Variants in GRM7 observed in about 807,000 individuals in gnomAD.
GRM7 encodes glutamate metabotropic receptor 7.
A neutral mutation model predicts 84.5 loss-of-function variants in GRM7; 35 were observed. That is an observed-to-expected ratio of 0.41 (90% CI 0.32 to 0.55). The LOEUF is 0.55. GRM7 is among the 20% of genes least tolerant of loss of function. GRM7 has a pLI of 0.19. For synonymous variants in GRM7, 487 were observed against 455.1 expected, an observed-to-expected ratio of 1.07 and a Z score of -0.89; for missense variants, 1,003 against 1,194.6, an observed-to-expected ratio of 0.84 and a Z score of 2.36.
intron 2 of GRM7, among the ~76,000 whole-genome samples, chr3:7,219,575 T>G (rs1210471073): frequency 6.6e-6 from 1 of 152,188 alleles, no homozygotes. Flanking sequence ...GGTTATGGAT[T>G]GGAATTAGGG....
intron 2 of GRM7, among the ~76,000 whole-genome samples, chr3:7,224,735 G>A (rs961697102): frequency 2.0e-5 from 3 of 152,106 alleles, no homozygotes; most frequent in East Asian, 1.9e-4. Context: ...ATGGAGAACC[G>A]TTCTGTCTCT....
At chr3:7,154,346 C>T (rs149139299) in intron 2 of GRM7, among the ~76,000 whole-genome samples, 148 of 152,220 alleles carry the variant, frequency 9.7e-4, no homozygotes, top group African/African-American at 3.4e-3. Context: ...GGGTTTCTCC[C>T]AGGCTATGGA....
intron 4 of GRM7, among the ~76,000 whole-genome samples, chr3:7,393,036 A>G (rs1695063123): frequency 6.6e-6 from 1 of 152,134 alleles, no homozygotes. Flanking sequence ...CCGAGACCAG[A>G]GAGGGCAGGC....
chr3:6,920,697 C>G (rs911564616), intron 1 of GRM7, among the ~76,000 whole-genome samples: 4 of 152,180 alleles, frequency 2.6e-5, no homozygotes, highest in African/African-American at 7.2e-5. Context: ...TTCATTCACT[C>G]TAATACCCAT....
At chr3:7,696,662 A>G (rs1208486032) in intron 9 of GRM7, among the ~76,000 whole-genome samples, 1 of 152,170 alleles carries the variant, frequency 6.6e-6, no homozygotes, top group East Asian at 1.9e-4. Context: ...CTCTTTTTCT[A>G]AAAAGTCAAA....
At chr3:7,115,699 C>T (rs1018140201) in intron 1 of GRM7, among the ~76,000 whole-genome samples, 62 of 152,178 alleles carry the variant, frequency 4.1e-4, no homozygotes, top group African/African-American at 1.3e-3. Context: ...AATTAAATGA[C>T]GCCTGCCCTC....
At chr3:7,676,043 G>A (rs1240832291) in intron 8 of GRM7, among the ~76,000 whole-genome samples, 3 of 151,896 alleles carry the variant, frequency 2.0e-5, no homozygotes, top group Admixed American at 6.6e-5. Flanking sequence ...TGGCGTGATC[G>A]TGATCTTGGC....
At chr3:7,510,603 T>G (rs763983405) in intron 7 of GRM7, among the ~76,000 whole-genome samples, 3 of 152,100 alleles carry the variant, frequency 2.0e-5, no homozygotes, top group Non-Finnish European at 4.4e-5. Flanking sequence ...TGGGTAAGAT[T>G]AGGTAAAATA....
intron 1 of GRM7, among the ~76,000 whole-genome samples, chr3:7,093,872 A>G (rs549124674): frequency 1.1e-4 from 16 of 152,274 alleles, no homozygotes; most frequent in Admixed American, 2.0e-4. Flanking sequence ...CACTTAAAGT[A>G]GTATGTTTCG....
At chr3:6,873,675 G>A (rs1437493938) in intron 1 of GRM7, among the ~76,000 whole-genome samples, 6 of 152,126 alleles carry the variant, frequency 3.9e-5, no homozygotes, top group Non-Finnish European at 8.8e-5. Context: ...AGCATGCCAG[G>A]TACTGTCTTT....
At chr3:7,735,996 T>C (rs1223372684) in intron 9 of GRM7, among the ~76,000 whole-genome samples, 1 of 152,216 alleles carries the variant, frequency 6.6e-6, no homozygotes, top group Non-Finnish European at 1.5e-5. Flanking sequence ...CTTATATTTA[T>C]ACCTTAGTGT....
At position 7,369,034 on chromosome 3, in the gene GRM7, A is replaced by G. The variant is rs533613143; in HGVS notation, c.1034-45989A>G. Among the ~76,000 whole-genome samples the G allele has an allele frequency of 2.6e-5, 4 of 151,970 alleles. No homozygotes were observed. In the South Asian group the frequency reaches 8.3e-4, roughly 32 times the overall value. ...TGCTGTCACACTGTTCTCCCTTTCT[A>G]TGGCACATCACAACCTGAGAAATCT... On this transcript the variant is annotated intron_variant, in intron 4 of 9. Transcript: ENST00000357716.
At chr3:7,568,577 A>C (rs1417415673) in intron 7 of GRM7, among the ~76,000 whole-genome samples, 1 of 152,168 alleles carries the variant, frequency 6.6e-6, no homozygotes, top group African/African-American at 2.4e-5. Context: ...CGGCTCCCTT[A>C]GCTTGCAGGG....
intron 7 of GRM7, among the ~76,000 whole-genome samples, chr3:7,474,455 A>ATC (rs1491056629): frequency 6.6e-6 from 1 of 151,430 alleles, no homozygotes; most frequent in Admixed American, 6.6e-5. Context: ...AAAAAAAAAA[A>ATC]ATTGACAATT....
intron 9 of GRM7, among the ~76,000 whole-genome samples, chr3:7,717,180 T>C (rs1335418934): frequency 6.6e-6 from 1 of 152,062 alleles, no homozygotes; most frequent in African/African-American, 2.4e-5. Context: ...TTCTTTCCCA[T>C]CTAAAAATGG....
intron 5 of GRM7, among the ~76,000 whole-genome samples, chr3:7,426,426 A>G (rs769650987): frequency 3.9e-5 from 6 of 152,058 alleles, no homozygotes; most frequent in Non-Finnish European, 7.4e-5. Context: ...AGTTCTCTAG[A>G]GGTGTCTGCA....
At chr3:7,513,555 G>A (rs1700280784) in intron 7 of GRM7, among the ~76,000 whole-genome samples, 2 of 152,210 alleles carry the variant, frequency 1.3e-5, no homozygotes, top group South Asian at 4.1e-4. Flanking sequence ...ACAATAGGAT[G>A]ACAACAGTTA....
At chr3:6,977,026 C>T (rs1355848343) in intron 1 of GRM7, among the ~76,000 whole-genome samples, 2 of 152,154 alleles carry the variant, frequency 1.3e-5, no homozygotes, top group African/African-American at 2.4e-5. Flanking sequence ...TGGTTACTGA[C>T]TGGACAGCTA....
chr3:7,482,726 A>G (rs1441714604), intron 7 of GRM7, among the ~76,000 whole-genome samples: 1 of 152,210 alleles, frequency 6.6e-6, no homozygotes, highest in Non-Finnish European at 1.5e-5. Context: ...AGGTTTTTTA[A>G]GAAAAATTTT....
Sources: allele counts gnomAD v4.1 joint callset (sites outside exome capture counted in the v4.1 genomes callset), GRCh38; gene constraint gnomAD v4.1.1; transcripts MANE v1.5; gene names NCBI Gene and HGNC (gene_info 2026-07-23, HGNC 2026-07-21).